GRIK3: variants seen among roughly 807,000 people sequenced by gnomAD.
GRIK3 encodes the protein glutamate receptor ionotropic, kainate 3.
Under a neutral mutation model 102.5 loss-of-function variants are expected in GRIK3, and 29 were observed. That is an observed-to-expected ratio of 0.28 (90% confidence interval 0.21 to 0.39). The LOEUF (loss-of-function observed/expected upper bound fraction) is 0.39, where lower values mean the gene tolerates loss of function less well. Among genes scored for constraint, GRIK3 ranks in the 10% least tolerant of loss-of-function variants. The probability of loss-of-function intolerance (pLI) is 1.00; values close to 1 mark genes in which losing one functional copy is unlikely to be tolerated. For missense variants in GRIK3, 908 were observed against 1,252.4 expected (o/e 0.73, Z 4.15); for synonymous variants, 511 against 504.9 (o/e 1.01, Z -0.16).
At chr1:36,961,063 A>G (rs1642003435) in intron 1 of GRIK3, among the ~76,000 whole-genome samples, 1 of 152,258 alleles carries the variant, frequency 6.6e-6, no homozygotes, top group Non-Finnish European at 1.5e-5. Flanking sequence ...TCCCAGGAAC[A>G]GCAGCTCTCT....
intron 1 of GRIK3, among the ~76,000 whole-genome samples, chr1:36,950,966 TG>T (rs1641838171): frequency 6.6e-6 from 1 of 152,232 alleles, no homozygotes; most frequent in African/African-American, 2.4e-5. Context: ...TGCTGCAGAC[TG>T]GGGCCCCAGG....
intron 7 of GRIK3, among the ~76,000 whole-genome samples, chr1:36,856,149 G>A (rs1175758666): frequency 6.6e-6 from 1 of 152,236 alleles, no homozygotes; most frequent in East Asian, 1.9e-4. Context: ...CTTCCCTCAG[G>A]CTGGCTCCCC....
chr1:37,019,246 C>G (rs1035368986), intron 1 of GRIK3, among the ~76,000 whole-genome samples: 4 of 152,152 alleles, frequency 2.6e-5, no homozygotes, highest in Non-Finnish European at 4.4e-5. Context: ...AAAGTGAACC[C>G]TGGAGGGGGA....
chr1:36,835,872 T>C (rs1343313080), intron 10 of GRIK3, among the ~76,000 whole-genome samples: 1 of 152,040 alleles, frequency 6.6e-6, no homozygotes, highest in East Asian at 1.9e-4. Flanking sequence ...AGCTGACAGT[T>C]CTGCAGTGAC....
At chr1:36,810,774 A>G (rs1162903915) in intron 13 of GRIK3, among the ~76,000 whole-genome samples, 1 of 152,152 alleles carries the variant, frequency 6.6e-6, no homozygotes, top group Non-Finnish European at 1.5e-5. Flanking sequence ...GCAGTTTATC[A>G]TTTTTCTTGG....
Position 36,850,488 on chromosome 1 carries a change from G to T in GRIK3, c.1213-64C>A. On this transcript the variant is annotated intron_variant, in intron 8 of 15. Coordinates refer to ENST00000373091, the MANE Select transcript of GRIK3 (RefSeq NM_000831.4). This position sits in a 1 kb window ranked among gnomAD's most constrained non-coding sequence, Gnocchi z 4.0. ...TGGTCTACCCATCTTCCTCCATATC[G>T]ACAAGACCTTCATCTCATTCCCATT... 1 of 903,678 alleles carries T rather than the reference G, an allele frequency of 1.1e-6. No homozygotes were observed. 56.0% of individuals were successfully genotyped at this position (903,678 alleles called of 1,614,324 possible). A position where few individuals can be genotyped will look rare whatever the true frequency, so the allele number is the denominator to read the frequency against.
chr1:36,844,059 G>A (rs948234537), intron 9 of GRIK3, among the ~76,000 whole-genome samples: 8 of 152,210 alleles, frequency 5.3e-5, no homozygotes, highest in African/African-American at 7.2e-5. Flanking sequence ...CCGCTGTGGC[G>A]GCAAGCTTGA....
At chr1:36,968,956 A>C (rs1642111772) in intron 1 of GRIK3, among the ~76,000 whole-genome samples, 1 of 152,174 alleles carries the variant, frequency 6.6e-6, no homozygotes, top group Admixed American at 6.5e-5. Flanking sequence ...AAGGGAGGCA[A>C]ACTAATTTGG....
At chr1:36,858,948 C>T (rs894810748) in intron 7 of GRIK3, among the ~76,000 whole-genome samples, 160 bp downstream of exon 7, 1 of 152,218 alleles carries the variant, frequency 6.6e-6, no homozygotes, top group Non-Finnish European at 1.5e-5. Context: ...TCCTATGGAG[C>T]CCATTTTCAC....
chr1:36,855,087 T>C (rs1007805804), intron 7 of GRIK3, among the ~76,000 whole-genome samples: 3 of 152,086 alleles, frequency 2.0e-5, no homozygotes, highest in African/African-American at 7.2e-5. Context: ...GGAACAAATG[T>C]GCACTTGGGA....
intron 2 of GRIK3, among the ~76,000 whole-genome samples, chr1:36,890,166 T>C (rs1641098224): frequency 6.6e-6 from 1 of 151,936 alleles, no homozygotes; most frequent in Admixed American, 6.6e-5. Context: ...TTCAGCAGAG[T>C]GGCCTCAAAA....
Position 36,797,911 on chromosome 1 carries a change from G to C in GRIK3, c.*3940C>G, listed in dbSNP as rs1642386515. The C allele has an allele frequency of 6.6e-6, 1 of 152,420 alleles. No homozygotes were observed. The highest frequency in any genetic ancestry group is 2.4e-5 in the African/African-American group (1 of 41,456). The allele number at this position is 152,420 out of a possible 1,614,324, so 9.4% of individuals were successfully genotyped here. A position where few individuals can be genotyped will look rare whatever the true frequency, so the allele number is the denominator to read the frequency against. On this transcript the variant is annotated 3_prime_UTR_variant, in exon 16 of 16. Transcript: ENST00000373091. ...TCTAACCTGTTTGGCCCTTTACCCT[G>C]GCCTGGGCCAGGATTCCCATCTTCC...
intron 1 of GRIK3, among the ~76,000 whole-genome samples, chr1:36,988,889 C>T (rs1390495807): frequency 3.9e-5 from 6 of 152,164 alleles, no homozygotes; most frequent in Non-Finnish European, 7.3e-5. Context: ...ATGAAACACC[C>T]GCGCTTTATA....
chr1:36,957,476 G>GCCTGTGTGCCCCATGAC (rs1557440416), intron 1 of GRIK3, among the ~76,000 whole-genome samples: 974 of 32,152 alleles, frequency 0.03, 5 homozygotes, highest in Middle Eastern at 0.04. Context: ...TGCTCTGTGA[G>GCCTGTGTGCCCCATGAC]TCTGTGCCCC....
At chr1:36,998,633 C>G (rs187219629) in intron 1 of GRIK3, among the ~76,000 whole-genome samples, 10 of 152,196 alleles carry the variant, frequency 6.6e-5, no homozygotes, top group Admixed American at 2.0e-4. Context: ...CCTGAGCCTC[C>G]CGATGGGTTT....
At chr1:36,829,502 C>T (rs535776222) in intron 10 of GRIK3, among the ~76,000 whole-genome samples, 8 of 152,060 alleles carry the variant, frequency 5.3e-5, no homozygotes, top group African/African-American at 1.7e-4. Context: ...TGAATGACAT[C>T]AAACCCTTGA....
Position 36,964,298 on chromosome 1 carries a change from C to A in GRIK3, c.115+69696G>T, listed in dbSNP as rs564439607. Among the ~76,000 whole-genome samples the A allele has an allele frequency of 3.9e-5, 6 of 152,342 alleles. No homozygotes were observed. In the South Asian group the frequency reaches 1.2e-3, roughly 32 times the overall value. ...GGATTTCTCAGAACTCAGGTGACCT[C>A]CCTGTAGAGGGGGCCCCTGAGCCCC... On this transcript the variant is annotated intron_variant, in intron 1 of 15. Coordinates refer to ENST00000373091, the MANE Select transcript of GRIK3 (RefSeq NM_000831.4).
intron 14 of GRIK3, among the ~76,000 whole-genome samples, chr1:36,805,773 C>T (rs973656123): frequency 6.6e-6 from 1 of 151,520 alleles, no homozygotes; most frequent in Admixed American, 6.6e-5. Context: ...CCCGTCTCTA[C>T]TAAAAATACA....
chr1:36,826,933 G>A (rs190722188), intron 10 of GRIK3, among the ~76,000 whole-genome samples: 77 of 152,204 alleles, frequency 5.1e-4, no homozygotes, highest in Non-Finnish European at 9.3e-4. Context: ...CCTCCCCCAT[G>A]AGGCCCCAAT....
Sources: allele counts gnomAD v4.1 joint callset (sites outside exome capture counted in the v4.1 genomes callset), GRCh38; gene constraint gnomAD v4.1.1; non-coding constraint Gnocchi (gnomAD v3.1); transcripts MANE v1.5; gene names NCBI Gene and HGNC (gene_info 2026-07-23, HGNC 2026-07-21).